Variants in USH2A observed in about 807,000 individuals in gnomAD.
USH2A encodes usherin, also known as Usher syndrome 2A (autosomal recessive, mild).
USH2A carries 443 observed loss-of-function variants against 538.9 expected under a neutral mutation model. The observed-to-expected ratio is 0.82, with a 90% CI of 0.76 to 0.89. The LOEUF is 0.89. Ranked by LOEUF, USH2A falls within the 40% of genes least tolerant of loss-of-function variation. USH2A has a pLI of 0.00. For synonymous variants in USH2A, 2,413 were observed against 2,273.5 expected (o/e 1.06, Z -1.75); for missense variants, 6,633 against 6,324.8 (o/e 1.05, Z -1.65).
intron 38 of USH2A, among the ~76,000 whole-genome samples, chr1:215,917,997 A>G (rs181706125): frequency 9.9e-5 from 15 of 151,902 alleles, no homozygotes; most frequent in Non-Finnish European, 1.5e-4. Flanking sequence ...GGTCGTGTAG[A>G]AAATAAACCA....
chr1:215,922,587 G>A (rs906044246), intron 38 of USH2A, among the ~76,000 whole-genome samples: 1 of 152,058 alleles, frequency 6.6e-6, no homozygotes, highest in African/African-American at 2.4e-5. Flanking sequence ...GTCTAGCTCA[G>A]TGGTCTTCAA....
intron 44 of USH2A, among the ~76,000 whole-genome samples, chr1:215,861,926 G>A (rs566136624): frequency 9.7e-5 from 13 of 133,552 alleles, no homozygotes; most frequent in African/African-American, 3.1e-4. Context: ...TGCAACCTCC[G>A]CCTCCCGGGT....
At chr1:216,076,133 G>C (rs934253359) in intron 27 of USH2A, among the ~76,000 whole-genome samples, 1 of 152,114 alleles carries the variant, frequency 6.6e-6, no homozygotes, top group African/African-American at 2.4e-5. Context: ...AATCTTAGGG[G>C]ACAGGGGTCC....
chr1:215,991,661 T>A (rs1668007361), intron 35 of USH2A, among the ~76,000 whole-genome samples: 1 of 152,156 alleles, frequency 6.6e-6, no homozygotes, highest in Non-Finnish European at 1.5e-5. Context: ...TGCTTGCAAA[T>A]ATACAAAACA....
chr1:215,917,780 CAAAAAAAAA>C lies in USH2A; in HGVS notation c.7300+16827_7300+16835del, dbSNP rs869080030. ...GTAACATAGTGAAACCCTATCACTA[CAAAAAAAAA>C]AAAAAAAAAAAAAAAAATACAAAAT... is the stretch of plus-strand genomic sequence containing the variant. On this transcript the variant is annotated intron_variant, in intron 38 of 71. Transcript: ENST00000307340. 8.0e-4 allele frequency among the ~76,000 whole-genome samples: 72 copies of C among 89,620 alleles called. 1 individual carries two copies. The highest frequency in any genetic ancestry group is 1.8e-3 in the African/African-American group (41 of 22,728). 58.8% of individuals were successfully genotyped at this position (89,620 alleles called of 152,430 possible). A position where few individuals can be genotyped will look rare whatever the true frequency, so the allele number is the denominator to read the frequency against.
intron 21 of USH2A, among the ~76,000 whole-genome samples, chr1:216,171,512 A>C (rs941773434): frequency 6.6e-6 from 1 of 152,120 alleles, no homozygotes; most frequent in African/African-American, 2.4e-5. Flanking sequence ...ATAAATTAAT[A>C]GAATGCTGAT....
intron 32 of USH2A, among the ~76,000 whole-genome samples, chr1:216,012,620 C>T (rs561108612): frequency 6.6e-6 from 1 of 152,198 alleles, no homozygotes; most frequent in South Asian, 2.1e-4. Flanking sequence ...TCTTAGTATT[C>T]AGTGAAACCT....
chr1:215,933,364 A>G (rs1666410624), intron 38 of USH2A, among the ~76,000 whole-genome samples: 1 of 151,936 alleles, frequency 6.6e-6, no homozygotes, highest in Admixed American at 6.6e-5. Context: ...AAATAAATAT[A>G]TCTAAATTCA....
At chr1:216,368,947 T>C (rs1276629550) in intron 3 of USH2A, among the ~76,000 whole-genome samples, 1 of 152,184 alleles carries the variant, frequency 6.6e-6, no homozygotes, top group African/African-American at 2.4e-5. Context: ...ACCTTTCTAA[T>C]AGATTAACAT....
chr1:216,349,046 T>C (rs1470964722), intron 4 of USH2A, among the ~76,000 whole-genome samples: 1 of 152,186 alleles, frequency 6.6e-6, no homozygotes, highest in African/African-American at 2.4e-5. Context: ...TGCTGCGGAA[T>C]GTATTGCTGT....
intron 21 of USH2A, among the ~76,000 whole-genome samples, chr1:216,172,963 C>T (rs748208434): frequency 2.0e-5 from 3 of 152,104 alleles, no homozygotes; most frequent in Admixed American, 6.6e-5. Context: ...CTCCAATTCA[C>T]GTTTCCACCC....
chr1:215,832,068 AC>A (rs1553267390), intron 47 of USH2A, among the ~76,000 whole-genome samples: 2 of 151,976 alleles, frequency 1.3e-5, no homozygotes, highest in Non-Finnish European at 2.9e-5. Context: ...TATTTTCTGC[AC>A]CCACAAGATG....
chr1:216,330,801 A>G (rs2037845358), intron 4 of USH2A, among the ~76,000 whole-genome samples: 1 of 152,066 alleles, frequency 6.6e-6, no homozygotes, highest in Admixed American at 6.6e-5. Context: ...GTAGAAGCCA[A>G]GAGGCCAGTT....
intron 9 of USH2A, among the ~76,000 whole-genome samples, chr1:216,301,482 A>T (rs1407851442): frequency 6.6e-6 from 1 of 152,184 alleles, no homozygotes; most frequent in Non-Finnish European, 1.5e-5. Context: ...CTCCATGTTT[A>T]TACTGGCTTC....
At chr1:216,357,975 T>C (rs1356635790) in intron 4 of USH2A, among the ~76,000 whole-genome samples, 1 of 152,104 alleles carries the variant, frequency 6.6e-6, no homozygotes, top group Admixed American at 6.6e-5. Flanking sequence ...TGGTCTAAGG[T>C]GTTTCTATTT....
intron 9 of USH2A, among the ~76,000 whole-genome samples, chr1:216,298,025 C>T (rs1424691169): frequency 6.6e-6 from 1 of 152,198 alleles, no homozygotes; most frequent in Non-Finnish European, 1.5e-5. Flanking sequence ...TTTAAAAACC[C>T]TATTCCATCG....
intron 21 of USH2A, among the ~76,000 whole-genome samples, chr1:216,161,921 T>C (rs1250259079): frequency 6.6e-6 from 1 of 152,026 alleles, no homozygotes; most frequent in Non-Finnish European, 1.5e-5. Flanking sequence ...TTATTTTTGC[T>C]CCACTGAAGG....
intron 64 of USH2A, among the ~76,000 whole-genome samples, chr1:215,669,387 G>T (rs1657738354): frequency 6.6e-6 from 1 of 152,170 alleles, no homozygotes; most frequent in African/African-American, 2.4e-5. Flanking sequence ...TAAGTATTTT[G>T]TTCCTTTATG....
At chr1:215,664,431 C>A (rs1028259797) in intron 64 of USH2A, among the ~76,000 whole-genome samples, 1 of 152,140 alleles carries the variant, frequency 6.6e-6, no homozygotes, top group Non-Finnish European at 1.5e-5. Flanking sequence ...CTTGCATCAA[C>A]ACAACTTAAA....
Sources: gnomAD v4.1 joint callset for allele counts (sites outside exome capture counted in the v4.1 genomes callset) on GRCh38, gnomAD v4.1.1 for gene constraint, MANE v1.5 for transcripts, NCBI Gene and HGNC (gene_info 2026-07-23, HGNC 2026-07-21) for gene names.